ODF2: variants seen among roughly 807,000 people sequenced by gnomAD.
ODF2 encodes the protein outer dense fiber of sperm tails 2, also known as outer dense fiber protein 2.
In ODF2, 47 loss-of-function variants were observed where a neutral mutation model predicts 110.2. The ratio of observed to expected loss-of-function variants is 0.43; its 90% CI spans 0.34 to 0.54. The LOEUF is 0.54. ODF2 is among the 20% of genes least tolerant of loss of function. The pLI, the probability that ODF2 is intolerant of heterozygous loss-of-function variation, is 0.03. For missense variants in ODF2, 812 were observed against 1,054.5 expected (o/e 0.77, Z 3.19); for synonymous variants, 352 against 397.7 (o/e 0.89, Z 1.37).
intron 18 of ODF2, among the ~76,000 whole-genome samples, chr9:128,496,863 G>A (rs1395711998): frequency 6.6e-6 from 1 of 152,128 alleles, no homozygotes; most frequent in Non-Finnish European, 1.5e-5. Flanking sequence ...AAGTAGCTGG[G>A]ACTACAGGCG....
rs1364067310 is a variant in ODF2, at chr9:128,458,258, G to A, written c.32+821G>A. Among the ~76,000 whole-genome samples, 3 of 152,098 alleles carry A rather than the reference G, an allele frequency of 2.0e-5. No homozygotes were observed. The East Asian group carries it at 5.8e-4, about 29-fold the overall frequency. ...ACCTGAGGTCAGGAGTTTGAGACCA[G>A]CCTGACCAACATGGTGAAACCCCGT... On this transcript the variant is annotated intron_variant, in intron 2 of 20. Transcript: ENST00000604420.
intron 18 of ODF2, 116 bp from the exon 19 acceptor site, chr9:128,498,297 T>C: frequency 4.3e-6 from 6 of 1,387,538 alleles, no homozygotes; most frequent in Non-Finnish European, 9.4e-7. Flanking sequence ...CTGTGGCTCC[T>C]TGGAGATTCT....
At chr9:128,464,007 G>A (rs142136849) in intron 4 of ODF2, among the ~76,000 whole-genome samples, 1,864 of 151,942 alleles carry the variant, frequency 0.012, 28 homozygotes, top group African/African-American at 0.043. Flanking sequence ...ACCACACCTG[G>A]CTAATTTTTG....
chr9:128,456,634 C>G, intron 1 of ODF2: 1 of 1,495,614 alleles, frequency 6.7e-7, no homozygotes, highest in Middle Eastern at 1.7e-4. Flanking sequence ...TGCTGCCCGT[C>G]GGCGGCATCG....
chr9:128,455,921 G>A (rs1375652102), upstream of ODF2: 15 of 1,382,862 alleles, frequency 1.1e-5, no homozygotes, highest in Non-Finnish European at 1.2e-5. Context: ...GCCTTGAATG[G>A]GGGGCGAGAC....
chr9:128,469,487 A>C (rs1839166521), intron 5 of ODF2, 134 bp downstream of exon 5: 8 of 872,114 alleles, frequency 9.2e-6, no homozygotes, highest in Non-Finnish European at 1.5e-5. Flanking sequence ...CCCGGGCTTC[A>C]GTTGCCTGCC....
chr9:128,461,862 CCAGA>C (rs560045782), intron 4 of ODF2, among the ~76,000 whole-genome samples: 7 of 152,128 alleles, frequency 4.6e-5, no homozygotes, highest in South Asian at 2.1e-4. Context: ...CCTTGATTTA[CCAGA>C]CAAAGGAGAC....
Position 128,485,707 on chromosome 9 carries a change from G to A in ODF2, c.1400+233G>A, listed in dbSNP as rs559862837. Among the ~76,000 whole-genome samples, 2 of 152,260 alleles carry A rather than the reference G, an allele frequency of 1.3e-5. No individual in the cohort carries two copies. Among genetic ancestry groups the A allele is most frequent in the Admixed American group, 6.5e-5 (1 of 15,292 alleles). Reference sequence around the variant, plus strand: ...TACCCTACTGTCAGGCACTGGCTAGGGGCCGGGTCTTTCTGGTCAGAGGTG... The same window carrying A: ...TACCCTACTGTCAGGCACTGGCTAGAGGCCGGGTCTTTCTGGTCAGAGGTG... On this transcript the variant is annotated intron_variant, in intron 13 of 20. Transcript: ENST00000604420. This position sits in a 1 kb window ranked among gnomAD's most constrained non-coding sequence, Gnocchi z 5.0.
At chr9:128,484,716 G>T in exon 12 of ODF2, 1 of 1,573,678 alleles carries the variant, frequency 6.4e-7, no homozygotes, top group Admixed American at 1.9e-5. Flanking sequence ...GGAGCGCAGC[G>T]GGAATCAGCA....
intron 18 of ODF2, 86 bp downstream of exon 18, chr9:128,496,227 AGT>A (rs761560764): frequency 7.5e-6 from 12 of 1,590,232 alleles, no homozygotes; most frequent in Admixed American, 1.7e-5. Flanking sequence ...AGTGTGCGGA[AGT>A]GTTGAGGGAC....
At chr9:128,491,278 C>T (rs1257235198) in intron 14 of ODF2, among the ~76,000 whole-genome samples, 2 of 151,924 alleles carry the variant, frequency 1.3e-5, no homozygotes, top group Non-Finnish European at 2.9e-5. Flanking sequence ...CTCCTGACCT[C>T]GTGGTCTGCC....
exon 5 of ODF2, chr9:128,469,331 C>A (rs754877415): frequency 1.9e-6 from 3 of 1,613,916 alleles, no homozygotes; most frequent in Non-Finnish European, 2.5e-6. Flanking sequence ...CTAATGAATG[C>A]GGTTGGTTGT....
At chr9:128,490,865 C>A (rs1844408187) in intron 14 of ODF2, among the ~76,000 whole-genome samples, 1 of 152,078 alleles carries the variant, frequency 6.6e-6, no homozygotes. Context: ...TCATTTGATA[C>A]ACCATGATTT....
At chr9:128,473,027 C>T (rs772121203) in exon 7 of ODF2, 19 of 1,613,898 alleles carry the variant, frequency 1.2e-5, no homozygotes, top group Admixed American at 8.3e-5. Context: ...AGGATACCAT[C>T]GGGAAGCTGA....
rs2131745141 is a variant in ODF2, at chr9:128,471,299, C to T, written c.421-9C>T. 3 of 1,602,946 alleles carry T rather than the reference C, an allele frequency of 1.9e-6. No individual in the cohort carries two copies. The highest frequency in any genetic ancestry group is 2.3e-5 in the East Asian group (1 of 44,188). On this transcript the variant is annotated splice_polypyrimidine_tract_variant and intron_variant, in intron 5 of 20. Transcript: ENST00000604420. Reference sequence around the variant, plus strand: ...CTTCAGTGGCCCCTGCCTGGGTCCCCCTGCTCAGGTCAAGATGCAAAAAGG... The same window carrying T: ...CTTCAGTGGCCCCTGCCTGGGTCCCTCTGCTCAGGTCAAGATGCAAAAAGG...
intron 8 of ODF2, among the ~76,000 whole-genome samples, chr9:128,480,204 G>T (rs1446583731): frequency 3.3e-5 from 5 of 152,162 alleles, no homozygotes; most frequent in Admixed American, 2.0e-4. Flanking sequence ...GTTAATAATG[G>T]AATATACCAA....
Position 128,494,864 on chromosome 9 carries a change from A to G in ODF2, c.1911+196A>G, listed in dbSNP as rs989445396. ...CCATGTGTTTGCACAAAGTGATTGT[A>G]GTTATAGGAGCCGTCACTTGCGTGG... On this transcript the variant is annotated intron_variant, in intron 17 of 20. Coordinates refer to ENST00000604420, the Ensembl canonical transcript of ODF2. The surrounding 1 kb of genome is among the most constrained non-coding windows in gnomAD (Gnocchi z 4.6). 4.8e-6 allele frequency: 7 copies of G among 1,463,450 alleles called. No individual in the cohort carries two copies. In the African/African-American group the frequency reaches 9.9e-5, roughly 21 times the overall value. 90.7% of individuals were successfully genotyped at this position (1,463,450 alleles called of 1,614,324 possible). A position where few individuals can be genotyped will look rare whatever the true frequency, so the allele number is the denominator to read the frequency against.
rs890264042 is a variant in ODF2 at position 128,498,378 on chromosome 9, G to T, written c.2013-35G>T. ...GCGGGGTGGAACATGACAGGTTGGG[G>T]TATGCCCAGGATCTGATTGAGTGCT... On this transcript the variant is annotated intron_variant, in intron 18 of 20. Transcript: ENST00000604420. 3 of 1,507,144 alleles carry T rather than the reference G, an allele frequency of 2.0e-6. No homozygotes were observed. The African/African-American group carries it at 4.2e-5, about 21-fold the overall frequency. The allele number at this position is 1,507,144 out of a possible 1,614,324, so 93.4% of individuals were successfully genotyped here.
chr9:128,484,366 C>T (rs1233960654), intron 11 of ODF2, among the ~76,000 whole-genome samples: 1 of 152,130 alleles, frequency 6.6e-6, no homozygotes, highest in African/African-American at 2.4e-5. Flanking sequence ...CTTTGTAGCC[C>T]AGGGGTCCTC....
Sources: allele counts gnomAD v4.1 joint callset (sites outside exome capture counted in the v4.1 genomes callset), GRCh38; gene constraint gnomAD v4.1.1; non-coding constraint Gnocchi (gnomAD v3.1); transcripts MANE v1.5; gene names NCBI Gene and HGNC (gene_info 2026-07-23, HGNC 2026-07-21).